Variants in GLB1L2 observed in about 807,000 individuals in gnomAD.
The protein encoded by GLB1L2 is galactosidase beta 1 like 2, also known as beta-galactosidase-1-like protein 2.
In GLB1L2, 68 loss-of-function variants were observed where a neutral mutation model predicts 84.1. The ratio of observed to expected loss-of-function variants is 0.81; its 90% CI spans 0.67 to 0.99. GLB1L2 has a LOEUF of 0.99. GLB1L2 is among the 50% of genes least tolerant of loss of function. The probability of loss-of-function intolerance (pLI) is 0.00; values close to 1 mark genes in which losing one functional copy is unlikely to be tolerated. For synonymous variants in GLB1L2, 290 were observed against 318.0 expected, an observed-to-expected ratio of 0.91 and a Z score of 0.94; for missense variants, 762 against 805.6, an observed-to-expected ratio of 0.95 and a Z score of 0.66.
At position 134,368,820 on chromosome 11, in the gene GLB1L2, G is replaced by A. The variant is rs149574035; in HGVS notation, c.1027+39G>A. On this transcript the variant is annotated intron_variant, in intron 10 of 18. Transcript: ENST00000535456. The stretch of plus-strand genomic sequence containing the variant: ...AGCACTGCTCTCCCTGGTCTGCCCT[G>A]CATGGGCATGGCTGGGACTTGCTAT... The A allele has an allele frequency of 4.4e-6, 7 of 1,606,056 alleles. No individual in the cohort carries two copies. The African/African-American group carries it at 6.7e-5, about 15-fold the overall frequency.
intron 15 of GLB1L2, 133 bp downstream of exon 15, chr11:134,371,963 T>C (rs1943960151): frequency 5.0e-6 from 4 of 793,516 alleles, no homozygotes; most frequent in Admixed American, 4.2e-5. Flanking sequence ...GTCCCATACA[T>C]GAGGCCAGTT....
At chr11:134,347,497 G>A (rs1190059797) in intron 5 of GLB1L2, 64 bp downstream of exon 5, 1 of 1,177,026 alleles carries the variant, frequency 8.5e-7, no homozygotes, top group Non-Finnish European at 1.3e-6. Flanking sequence ...GATCATCCTT[G>A]GTTAGTTCTC....
At position 134,375,034 on chromosome 11, in the gene GLB1L2, G is replaced by A. The variant is rs770224367; in HGVS notation, c.1887G>A (p.Leu629=). Reference sequence around the variant, plus strand: ...TACAGTTCACGGAAACCCCCCACCTGGGCAGGAACCAGTACATTAAGTGAG... The same window carrying A: ...TACAGTTCACGGAAACCCCCCACCTAGGCAGGAACCAGTACATTAAGTGAG... ...PALQFTETPH[L]GRNQYIK is the part of the protein sequence containing the mutation. Residue 629 remains leucine (L), a synonymous_variant, in exon 19 of 19, where the codon CTG becomes CTA. Coordinates refer to ENST00000535456, the MANE Select transcript of GLB1L2 (RefSeq NM_001370461.1). 3.7e-6 allele frequency: 6 copies of A among 1,613,668 alleles called. No individual in the cohort carries two copies. In the African/African-American group the frequency reaches 6.7e-5, roughly 18 times the overall value.
At chr11:134,374,282 G>A in intron 17 of GLB1L2, 26 bp downstream of exon 17, 1 of 1,529,934 alleles carries the variant, frequency 6.5e-7, no homozygotes, top group Non-Finnish European at 9.1e-7. Flanking sequence ...TTCCCTGCCA[G>A]TTTCTCCCAC....
chr11:134,356,263 G>A, intron 5 of GLB1L2, 38 bp from the exon 6 acceptor site: 1 of 1,537,140 alleles, frequency 6.5e-7, no homozygotes, highest in Non-Finnish European at 9.0e-7. Context: ...CAGTTCCCCT[G>A]CACACTCAGC....
In GLB1L2 at chr11:134,353,938, A is replaced by G. The variant is rs574692020; in HGVS notation, c.559-2363A>G. ...AATAAATATCCTTAGATCTGAAGTG[A>G]GTGTCTTGTAGATAGTATATAGTTG... On this transcript the variant is annotated intron_variant, in intron 5 of 18. Transcript: ENST00000535456. Among the ~76,000 whole-genome samples, 18 of 152,298 alleles carry G rather than the reference A, an allele frequency of 1.2e-4. 2 individuals are homozygous for G. The highest frequency in any genetic ancestry group is 3.8e-4 in the African/African-American group (16 of 41,566).
chr11:134,350,791 T>C (rs1350781843), intron 5 of GLB1L2, among the ~76,000 whole-genome samples: 1 of 152,264 alleles, frequency 6.6e-6, no homozygotes, highest in Non-Finnish European at 1.5e-5. Flanking sequence ...TTAAATGTAT[T>C]CCCAAGTATT....
chr11:134,356,675 C>T (rs1034251857), intron 6 of GLB1L2, among the ~76,000 whole-genome samples: 25 of 152,192 alleles, frequency 1.6e-4, no homozygotes, highest in Admixed American at 2.0e-4. Context: ...CCTGGAGAGG[C>T]GGCTCCAATT....
Position 134,375,811 on chromosome 11 carries a change from A to AGTGGCCCCCGCTCCC in GLB1L2, c.*753_*754insGTGGCCCCCGCTCCC, listed in dbSNP as rs1944017779. On this transcript the variant is annotated 3_prime_UTR_variant, in exon 19 of 19. Coordinates refer to ENST00000535456, the MANE Select transcript of GLB1L2 (RefSeq NM_001370461.1). The stretch of plus-strand genomic sequence containing the variant: ...GGGAGGAGGACAGAAGGCCCAGCTC[A>AGTGGCCCCCGCTCCC]CATGTGAGTCCTGGCAGAAGCCATG... 6.9e-6 allele frequency: 1 copy of AGTGGCCCCCGCTCCC among 144,540 alleles called. No homozygotes were observed. The allele number at this position is 144,540 out of a possible 1,614,324, so 9.0% of individuals were successfully genotyped here. A position where few individuals can be genotyped will look rare whatever the true frequency, so the allele number is the denominator to read the frequency against.
rs1943421977 is a variant in GLB1L2 at position 134,338,684 on chromosome 11, A to T, written c.87-4070A>T. ...CCTATGTCCTCTGCTTCAGGTTTCCATTGCAACCAATTTTTGTGTCTGCAG... is the reference window on the plus strand; with the variant it reads ...CCTATGTCCTCTGCTTCAGGTTTCCTTTGCAACCAATTTTTGTGTCTGCAG... On this transcript the variant is annotated intron_variant, in intron 1 of 18. Transcript: ENST00000535456. This position sits in a 1 kb window ranked among gnomAD's most constrained non-coding sequence, Gnocchi z 6.2. Among the ~76,000 whole-genome samples, 1 of 152,194 alleles carries T rather than the reference A, an allele frequency of 6.6e-6. No individual in the cohort carries two copies. Among genetic ancestry groups the T allele is most frequent in the Admixed American group, 6.5e-5 (1 of 15,282 alleles).
intron 4 of GLB1L2, among the ~76,000 whole-genome samples, chr11:134,345,795 A>G (rs1231795398): frequency 2.0e-5 from 3 of 152,152 alleles, no homozygotes; most frequent in Admixed American, 6.5e-5. Flanking sequence ...TAGGAATGTT[A>G]CCAAGCATAT....
intron 7 of GLB1L2, among the ~76,000 whole-genome samples, chr11:134,363,252 G>C (rs928006568): frequency 1.4e-4 from 21 of 152,200 alleles, no homozygotes; most frequent in Admixed American, 3.3e-4. Flanking sequence ...CCGCTCTGCC[G>C]CTACCTGAGG....
At chr11:134,374,322 A>C in intron 17 of GLB1L2, 66 bp downstream of exon 17, 1 of 1,301,820 alleles carries the variant, frequency 7.7e-7, no homozygotes, top group South Asian at 1.2e-5. Context: ...GCTCTGAGCC[A>C]AAGCCACGAG....
At chr11:134,348,649 C>G (rs1943583081) in intron 5 of GLB1L2, among the ~76,000 whole-genome samples, 1 of 152,122 alleles carries the variant, frequency 6.6e-6, no homozygotes, top group Non-Finnish European at 1.5e-5. Context: ...AAATGTACAG[C>G]TCAGCGGCAT....
chr11:134,373,219 G>A (rs1354805960), intron 15 of GLB1L2, among the ~76,000 whole-genome samples: 2 of 152,170 alleles, frequency 1.3e-5, no homozygotes, highest in Non-Finnish European at 2.9e-5. Context: ...ACTGATGAGT[G>A]GCTCCTCAAG....
chr11:134,355,923 C>T (rs576856813), intron 5 of GLB1L2: 39 of 440,696 alleles, frequency 8.8e-5, no homozygotes, highest in African/African-American at 2.4e-4. Flanking sequence ...CATGAGGGAG[C>T]GGGGAGTTGG....
In GLB1L2 at chr11:134,371,064, T is replaced by C. The variant is rs754198162; in HGVS notation, c.1272T>C (p.Asn424=). 1 of 1,614,118 alleles carries C rather than the reference T, an allele frequency of 6.2e-7. No homozygotes were observed. Among genetic ancestry groups the C allele is most frequent in the Non-Finnish European group, 8.5e-7 (1 of 1,180,024 alleles). The change falls in exon 13 of 19, where the codon AAT becomes AAC. Residue 424 remains asparagine (N), a synonymous_variant. Coordinates refer to ENST00000535456, the MANE Select transcript of GLB1L2 (RefSeq NM_001370461.1). The part of the protein sequence containing the change: ...NMENLPVNGG[N]GQSFGYILYE... ...AGAACCTGCCAGTCAATGGGGGAAA[T>C]GGACAGTCCTTCGGGTACATTCTCT... is the stretch of plus-strand genomic sequence containing the variant.
Sources: gnomAD v4.1 joint callset for allele counts (sites outside exome capture counted in the v4.1 genomes callset) on GRCh38, gnomAD v4.1.1 for gene constraint, Gnocchi (gnomAD v3.1) non-coding constraint, MANE v1.5 for transcripts, NCBI Gene and HGNC (gene_info 2026-07-23, HGNC 2026-07-21) for gene names.